Variants in KLHL7 observed in about 807,000 individuals in gnomAD.
The protein encoded by KLHL7 is kelch like family member 7.
Under a neutral mutation model 67.4 loss-of-function variants are expected in KLHL7, and 44 were observed. The ratio of observed to expected loss-of-function variants is 0.65; its 90% confidence interval spans 0.51 to 0.84. KLHL7 has a LOEUF of 0.84. Among genes scored for constraint, KLHL7 ranks in the 40% least tolerant of loss-of-function variants. The pLI is 0.00. For synonymous variants in KLHL7, 252 were observed against 243.3 expected (o/e 1.04, Z -0.33); for missense variants, 362 against 718.1 (o/e 0.50, Z 5.67).
intron 1 of KLHL7, among the ~76,000 whole-genome samples, chr7:23,110,602 T>A (rs1396318499): frequency 6.6e-6 from 1 of 151,930 alleles, no homozygotes; most frequent in African/African-American, 2.4e-5. Flanking sequence ...TACATTTTCT[T>A]TTGTTTTTTT....
chr7:23,106,248 C>G (rs1240104261), intron 1 of KLHL7, 102 bp downstream of exon 1: 4 of 1,548,454 alleles, frequency 2.6e-6, no homozygotes, highest in African/African-American at 1.4e-5. Flanking sequence ...TCGCGCCCCT[C>G]TTTCTCTGTC....
chr7:23,145,271 CT>C (rs768245858), intron 6 of KLHL7, among the ~76,000 whole-genome samples: 2 of 147,118 alleles, frequency 1.4e-5, no homozygotes, highest in African/African-American at 2.5e-5. Flanking sequence ...TGGCCTTTTT[CT>C]GAGAGAGAGC....
At chr7:23,107,385 A>T (rs1050525999) in intron 1 of KLHL7, among the ~76,000 whole-genome samples, 2 of 152,218 alleles carry the variant, frequency 1.3e-5, no homozygotes, top group Non-Finnish European at 2.9e-5. Flanking sequence ...GCCTGCCTGT[A>T]ATGGTAGTTG....
intron 9 of KLHL7, among the ~76,000 whole-genome samples, chr7:23,168,903 A>G (rs1341976348): frequency 6.6e-6 from 1 of 152,238 alleles, no homozygotes; most frequent in Non-Finnish European, 1.5e-5. Flanking sequence ...TTTTATATTT[A>G]GGAAATATTG....
At chr7:23,147,810 A>G (rs1784406556) in intron 6 of KLHL7, among the ~76,000 whole-genome samples, 1 of 152,260 alleles carries the variant, frequency 6.6e-6, no homozygotes, top group South Asian at 2.1e-4. Flanking sequence ...TCGAACCTGC[A>G]TGAGGGTAAG....
chr7:23,156,299 T>A (rs1187720840), intron 7 of KLHL7: 1 of 202,714 alleles, frequency 4.9e-6, no homozygotes, highest in African/African-American at 2.4e-5. Flanking sequence ...GGTTGCTATA[T>A]TGAATTGAAA....
chr7:23,167,833 C>T lies in KLHL7; in HGVS notation c.1178-3C>T, dbSNP rs1785047649. ...AGCATGATGGGGCCTTTTTCTTTTA[C>T]AGGAAACTCAGCTCTGTATTTATTT... On this transcript the variant is annotated splice_polypyrimidine_tract_variant and splice_region_variant and intron_variant, in intron 8 of 10. Transcript: ENST00000339077. 1.2e-6 allele frequency: 2 copies of T among 1,613,978 alleles called. No individual in the cohort carries two copies.
At chr7:23,141,650 T>C (rs1784186157) in intron 5 of KLHL7, among the ~76,000 whole-genome samples, 2 of 151,834 alleles carry the variant, frequency 1.3e-5, no homozygotes, top group Non-Finnish European at 2.9e-5. Flanking sequence ...TGAGACGGAG[T>C]CTCGCTCTGT....
chr7:23,113,751 A>G (rs909548314), intron 1 of KLHL7, among the ~76,000 whole-genome samples: 2 of 152,172 alleles, frequency 1.3e-5, no homozygotes, highest in African/African-American at 4.8e-5. Context: ...GATTGAACCC[A>G]GGAGGCGGAA....
Position 23,138,264 on chromosome 7 carries a change from C to G in KLHL7, c.443-2505C>G, listed in dbSNP as rs193195971. 2.6e-3 allele frequency among the ~76,000 whole-genome samples: 387 copies of G among 151,754 alleles called. 1 individual carries two copies. Among genetic ancestry groups the G allele is most frequent in the African/African-American group, 8.8e-3 (364 of 41,470 alleles). Reference sequence around the variant, plus strand: ...GGATCATGAGGTCAGGAGTTTAAGACCAGCCTGGCCAAGATGGTGAAACCC... The same window carrying G: ...GGATCATGAGGTCAGGAGTTTAAGAGCAGCCTGGCCAAGATGGTGAAACCC... On this transcript the variant is annotated intron_variant, in intron 4 of 10. Transcript: ENST00000339077.
rs184813274 is a variant in KLHL7 at position 23,161,245 on chromosome 7, A to G, written c.937-4453A>G. On this transcript the variant is annotated intron_variant, in intron 7 of 10. Coordinates refer to ENST00000339077, the MANE Select transcript of KLHL7 (RefSeq NM_001031710.3). Reference sequence around the variant, plus strand: ...TCATTTCAGTCCTTACATTTTACAAATACGGGATCATGCCTACATGCTATT... The same window carrying G: ...TCATTTCAGTCCTTACATTTTACAAGTACGGGATCATGCCTACATGCTATT... 2.0e-5 allele frequency among the ~76,000 whole-genome samples: 3 copies of G among 152,322 alleles called. No individual in the cohort carries two copies. The East Asian group carries it at 5.8e-4, about 29-fold the overall frequency.
chr7:23,139,100 A>G (rs1013423893), intron 4 of KLHL7, among the ~76,000 whole-genome samples: 1 of 151,802 alleles, frequency 6.6e-6, no homozygotes, highest in Non-Finnish European at 1.5e-5. Context: ...AAAAAAAAAA[A>G]AAAACAAGAA....
intron 1 of KLHL7, 78 bp downstream of exon 1, chr7:23,106,224 C>G (rs2128454680): frequency 3.2e-6 from 5 of 1,564,470 alleles, no homozygotes; most frequent in Middle Eastern, 1.7e-4. Context: ...GGGTGGAACC[C>G]CGCGCCCTGT....
At chr7:23,111,453 T>C (rs1782866676) in intron 1 of KLHL7, among the ~76,000 whole-genome samples, 1 of 152,230 alleles carries the variant, frequency 6.6e-6, no homozygotes, top group South Asian at 2.1e-4. Context: ...TTTGCCCTTA[T>C]TCTAAAATCT....
In KLHL7 at chr7:23,114,061, A is replaced by G. The variant is rs537327899; in HGVS notation, c.120+7915A>G. On this transcript the variant is annotated intron_variant, in intron 1 of 10. Coordinates refer to ENST00000339077, the MANE Select transcript of KLHL7 (RefSeq NM_001031710.3). ...ACTTCCTCACTTTGTCAAATGAGAGAGGAGTTGCTAATCTAATTAAGTTAG... is the reference window on the plus strand; with the variant it reads ...ACTTCCTCACTTTGTCAAATGAGAGGGGAGTTGCTAATCTAATTAAGTTAG... 1.2e-4 allele frequency among the ~76,000 whole-genome samples: 19 copies of G among 152,362 alleles called. No individual in the cohort carries two copies. In the East Asian group the frequency reaches 3.7e-3, roughly 29 times the overall value.
chr7:23,151,621 C>T (rs972436813), intron 6 of KLHL7, among the ~76,000 whole-genome samples: 4 of 152,052 alleles, frequency 2.6e-5, no homozygotes, highest in East Asian at 3.8e-4. Flanking sequence ...TTTAAGAAGC[C>T]CTTTAAAATA....
intron 6 of KLHL7, 51 bp downstream of exon 6, chr7:23,144,076 A>C: frequency 1.4e-4 from 211 of 1,475,494 alleles, no homozygotes; most frequent in Middle Eastern, 4.5e-4. Context: ...CCAGTTTCTC[A>C]TGGGCTTAAA....
At chr7:23,112,046 C>G (rs912444523) in intron 1 of KLHL7, among the ~76,000 whole-genome samples, 18 of 152,116 alleles carry the variant, frequency 1.2e-4, no homozygotes, top group African/African-American at 3.9e-4. Flanking sequence ...GTGATGATAA[C>G]TGCCATATGT....
At chr7:23,162,289 C>G (rs1406288656) in intron 7 of KLHL7, among the ~76,000 whole-genome samples, 1 of 152,096 alleles carries the variant, frequency 6.6e-6, no homozygotes, top group Non-Finnish European at 1.5e-5. Context: ...GTTTTCTTAT[C>G]TGTAAATGAG....
Sources: gnomAD v4.1 joint callset for allele counts (sites outside exome capture counted in the v4.1 genomes callset) on GRCh38, gnomAD v4.1.1 for gene constraint, MANE v1.5 for transcripts, NCBI Gene and HGNC (gene_info 2026-07-23, HGNC 2026-07-21) for gene names.